The following SYT13 variants were observed in gnomAD, a reference collection of about 807,000 sequenced individuals.
The protein encoded by SYT13 is synaptotagmin-13.
A neutral mutation model predicts 38.6 loss-of-function variants in SYT13; 21 were observed. The observed-to-expected ratio is 0.54, with a 90% CI of 0.39 to 0.78. SYT13 has a LOEUF of 0.78. Ranked by LOEUF, SYT13 falls within the 30% of genes least tolerant of loss-of-function variation. SYT13 has a pLI of 0.00. For missense variants in SYT13, 495 were observed against 548.7 expected, an observed-to-expected ratio of 0.90 and a Z score of 0.98; for synonymous variants, 241 against 237.6, an observed-to-expected ratio of 1.01 and a Z score of -0.13.
At chr11:45,263,754 G>A (rs968106214) in intron 1 of SYT13, among the ~76,000 whole-genome samples, 1 of 152,232 alleles carries the variant, frequency 6.6e-6, no homozygotes, top group Admixed American at 6.5e-5. Flanking sequence ...TGCTGGTCAG[G>A]TATTCAGGCT....
intron 1 of SYT13, among the ~76,000 whole-genome samples, chr11:45,275,128 GA>G (rs1181491236): frequency 6.6e-6 from 1 of 152,126 alleles, no homozygotes; most frequent in Non-Finnish European, 1.5e-5. Context: ...CAGCCCCACA[GA>G]TCCCTACCTC....
chr11:45,246,017 TC>T (rs1854609821), intron 5 of SYT13, among the ~76,000 whole-genome samples: 1 of 152,150 alleles, frequency 6.6e-6, no homozygotes, highest in Non-Finnish European at 1.5e-5. Context: ...GGCCAAGTTT[TC>T]CCGACAGCCC....
intron 1 of SYT13, among the ~76,000 whole-genome samples, chr11:45,271,856 C>T (rs996730649): frequency 3.3e-5 from 5 of 152,142 alleles, no homozygotes; most frequent in Admixed American, 6.5e-5. Context: ...TCAACTATAA[C>T]TTCTCAGGCT....
At chr11:45,260,000 T>C (rs777034629) in intron 1 of SYT13, among the ~76,000 whole-genome samples, 12 of 152,258 alleles carry the variant, frequency 7.9e-5, no homozygotes, top group Non-Finnish European at 1.3e-4. Context: ...CCAGTTTGAA[T>C]TGGGATTTTT....
At position 45,240,799 on chromosome 11, in the gene SYT13, T is replaced by C. The variant is rs2135879499; in HGVS notation, c.*3253A>G. 1 of 152,384 alleles carries C rather than the reference T, an allele frequency of 6.6e-6. No homozygotes were observed. The highest frequency in any genetic ancestry group is 2.1e-4 in the South Asian group (1 of 4,832). The allele number at this position is 152,384 out of a possible 1,614,324, so 9.4% of individuals were successfully genotyped here. The stretch of plus-strand genomic sequence containing the variant: ...CACCTTTTTGAGCAACAGTGCATTC[T>C]GAAATGGTCTCTCACCTTATTTTTA... On this transcript the variant is annotated 3_prime_UTR_variant, in exon 6 of 6. Coordinates refer to ENST00000020926, the MANE Select transcript of SYT13 (RefSeq NM_020826.3).
intron 1 of SYT13, among the ~76,000 whole-genome samples, chr11:45,264,158 C>T (rs1183057993): frequency 7.9e-5 from 12 of 152,126 alleles, no homozygotes; most frequent in Admixed American, 5.9e-4. Context: ...AAACTGGATC[C>T]TCTCTCACAG....
chr11:45,255,093 G>A (rs1354064677), intron 2 of SYT13, among the ~76,000 whole-genome samples: 1 of 151,900 alleles, frequency 6.6e-6, no homozygotes, highest in Non-Finnish European at 1.5e-5. Context: ...TCCAGCCTGG[G>A]AGACAGAGCA....
chr11:45,262,622 C>T lies in SYT13; in HGVS notation c.184-6731G>A, dbSNP rs182879295. On this transcript the variant is annotated intron_variant, in intron 1 of 5. Transcript: ENST00000020926. ...ACGCCTGTAGTCCCAGCTACTCAGG[C>T]GGCCGAGGTGGGAGGATCACTTGAA... is the stretch of plus-strand genomic sequence containing the variant. Among the ~76,000 whole-genome samples, 6 of 151,618 alleles carry T rather than the reference C, an allele frequency of 4.0e-5. No individual in the cohort carries two copies. The East Asian group carries it at 5.8e-4, about 15-fold the overall frequency.
chr11:45,254,286 A>T lies in SYT13; in HGVS notation c.528T>A (p.Phe176Leu). ...GAGCCATACCTTCCAGGCGAGTCACAAACAATTCTGCCTTCTGACAGTCAT... is the reference window on the plus strand; with the variant it reads ...GAGCCATACCTTCCAGGCGAGTCACTAACAATTCTGCCTTCTGACAGTCAT... ...LDYDCQKAEL[F>L]VTRLEAVTSN... The change falls in exon 3 of 6, where the codon TTT becomes TTA. Residue 176 changes from phenylalanine to leucine, a missense_variant. Phe to Leu is a conservative substitution (Grantham distance 22). Coordinates refer to ENST00000020926, the MANE Select transcript of SYT13 (RefSeq NM_020826.3). 6.2e-7 allele frequency: 1 copy of T among 1,612,220 alleles called. No individual in the cohort carries two copies. The highest frequency in any genetic ancestry group is 8.5e-7 in the Non-Finnish European group (1 of 1,179,388).
intron 1 of SYT13, among the ~76,000 whole-genome samples, chr11:45,274,301 T>G (rs1854984545): frequency 6.6e-6 from 1 of 152,214 alleles, no homozygotes; most frequent in South Asian, 2.1e-4. Context: ...TTCTGTTCTT[T>G]GTCTCTATGT....
rs151134010 is a variant in SYT13, at chr11:45,244,118, G to T, written c.1215C>A (p.Ser405Arg). 20 of 1,612,704 alleles carry T rather than the reference G, an allele frequency of 1.2e-5. No individual in the cohort carries two copies. In the Admixed American group the frequency reaches 1.3e-4, roughly 11 times the overall value. The stretch of plus-strand genomic sequence containing the variant: ...GGTTTTTGAGCATCTCCTCCCAGTG[G>T]CTGCGCTCAGAGCCCGAGGTGTGCA... ...LGLHTSGSER[S>R]HWEEMLKNPR... is the part of the protein sequence containing the mutation. Residue 405 changes from serine (S) to arginine (R), a missense_variant, in exon 6 of 6, where the codon AGC becomes AGA. Ser to Arg is a moderately radical substitution (Grantham distance 110, BLOSUM62 -1). Coordinates refer to ENST00000020926, the MANE Select transcript of SYT13 (RefSeq NM_020826.3).
chr11:45,252,198 G>C lies in SYT13; in HGVS notation c.846+223C>G, dbSNP rs577879892. 6.6e-6 allele frequency among the ~76,000 whole-genome samples: 1 copy of C among 152,326 alleles called. No homozygotes were observed. The highest frequency in any genetic ancestry group is 2.1e-4 in the South Asian group (1 of 4,830). On this transcript the variant is annotated intron_variant, in intron 4 of 5. Transcript: ENST00000020926. This position sits in a 1 kb window ranked among gnomAD's most constrained non-coding sequence, Gnocchi z 4.3. ...GGCAGAGAGAGTCTTTGCATGGCAA[G>C]TTAGAGCCAAGACTAGGAGCAGACA...
chr11:45,266,148 T>C (rs748176543), intron 1 of SYT13, among the ~76,000 whole-genome samples: 2 of 152,182 alleles, frequency 1.3e-5, no homozygotes. Context: ...AGAATCTGTA[T>C]GCTCAGCAAG....
chr11:45,285,303 C>T (rs966986121), intron 1 of SYT13, among the ~76,000 whole-genome samples: 6 of 152,204 alleles, frequency 3.9e-5, no homozygotes, highest in Admixed American at 2.0e-4. Flanking sequence ...GGGCTCTGGC[C>T]ATGAGCAAAT....
intron 1 of SYT13, 86 bp from the exon 2 acceptor site, chr11:45,255,977 CTGTTGTA>C: frequency 7.2e-7 from 1 of 1,383,712 alleles, no homozygotes; most frequent in Non-Finnish European, 1.0e-6. Flanking sequence ...GTGAACTGAC[CTGTTGTA>C]GGATGCAGAG....
In SYT13 at chr11:45,252,792, T is replaced by A; in HGVS notation, c.545-70A>T. 2.0e-6 allele frequency: 3 copies of A among 1,478,198 alleles called. No homozygotes were observed. The South Asian group carries it at 4.3e-5, about 21-fold the overall frequency. The allele number at this position is 1,478,198 out of a possible 1,614,324, so 91.6% of individuals were successfully genotyped here. A position where few individuals can be genotyped will look rare whatever the true frequency, so the allele number is the denominator to read the frequency against. ...AAGTGGAGGGGGCAGAAGCACGCCT[T>A]GCTTAGGGCTGTGGAATCCAGCTTA... On this transcript the variant is annotated intron_variant, in intron 3 of 5. Coordinates refer to ENST00000020926, the MANE Select transcript of SYT13 (RefSeq NM_020826.3). The surrounding 1 kb of genome is among the most constrained non-coding windows in gnomAD (Gnocchi z 4.3).
chr11:45,285,189 A>C (rs1200638965), intron 1 of SYT13, among the ~76,000 whole-genome samples: 3 of 152,212 alleles, frequency 2.0e-5, no homozygotes, highest in Non-Finnish European at 4.4e-5. Flanking sequence ...TTGGAAATGC[A>C]TCCTGGAGGT....
At chr11:45,244,385 C>T (rs774799198) in intron 5 of SYT13, 29 bp from the exon 6 acceptor site, 2 of 1,596,070 alleles carry the variant, frequency 1.3e-6, no homozygotes, top group Admixed American at 1.7e-5. Context: ...GAAAAAGAGA[C>T]AGAGAGAAGG....
rs1179197338 is a variant in SYT13, at chr11:45,241,354, G to A, written c.*2698C>T. 6.6e-6 allele frequency: 1 copy of A among 152,142 alleles called. No individual in the cohort carries two copies. Among genetic ancestry groups the A allele is most frequent in the African/African-American group, 2.4e-5 (1 of 41,434 alleles). The allele number at this position is 152,142 out of a possible 1,614,324, so 9.4% of individuals were successfully genotyped here. A position where few individuals can be genotyped will look rare whatever the true frequency, so the allele number is the denominator to read the frequency against. ...CACTTAGAATACAGTGAACATAACA[G>A]ACAACTCTCCTTCAAAATGTATCTC... On this transcript the variant is annotated 3_prime_UTR_variant, in exon 6 of 6. Coordinates refer to ENST00000020926, the MANE Select transcript of SYT13 (RefSeq NM_020826.3).
Sources: gnomAD v4.1 joint callset for allele counts (sites outside exome capture counted in the v4.1 genomes callset) on GRCh38, gnomAD v4.1.1 for gene constraint, Gnocchi (gnomAD v3.1) non-coding constraint, MANE v1.5 for transcripts, NCBI Gene and HGNC (gene_info 2026-07-23, HGNC 2026-07-21) for gene names.